MAP2: variants seen among roughly 807,000 people sequenced by gnomAD.
MAP2 encodes the protein microtubule-associated protein 2.
In MAP2, 14 loss-of-function variants were observed where a neutral mutation model predicts 137.6. That is an observed-to-expected ratio of 0.10 (90% CI 0.07 to 0.16). The LOEUF (loss-of-function observed/expected upper bound fraction) is 0.16. Ranked by LOEUF, MAP2 falls within the 10% of genes least tolerant of loss-of-function variation. MAP2 has a pLI of 1.00. For missense variants in MAP2, 2,088 were observed against 2,191.5 expected (o/e 0.95, Z 0.94); for synonymous variants, 786 against 782.3 (o/e 1.00, Z -0.08).
At position 209,461,520 on chromosome 2, in the gene MAP2, A is replaced by G. The variant is rs147218741; in HGVS notation, c.-222+37244A>G. 2.1e-3 allele frequency among the ~76,000 whole-genome samples: 321 copies of G among 152,244 alleles called. 1 individual carries two copies. Among genetic ancestry groups the G allele is most frequent in the African/African-American group, 7.4e-3 (308 of 41,546 alleles). On this transcript the variant is annotated intron_variant, in intron 1 of 15. Coordinates refer to ENST00000682079, the MANE Select transcript of MAP2 (RefSeq NM_001375505.1). ...GCCCAGACTGCAGTGCAATGGCACAATCTCGGCTCACTGCAACCTCTGTCT... is the reference window on the plus strand; with the variant it reads ...GCCCAGACTGCAGTGCAATGGCACAGTCTCGGCTCACTGCAACCTCTGTCT...
Position 209,694,105 on chromosome 2 carries a change from A to T in MAP2, c.1935A>T (p.Pro645=). Residue 645 remains proline (P), a synonymous_variant, in exon 8 of 16, where the codon CCA becomes CCT. Coordinates refer to ENST00000682079, the MANE Select transcript of MAP2 (RefSeq NM_001375505.1). ...ACAGCACTCTCGCACAGAGTTATCC[A>T]TCAGATTTACCTGAAGAACCCAGTT... ...AGYSTLAQSY[P]SDLPEEPSSP... is the part of the protein sequence containing the mutation. 1 of 1,613,932 alleles carries T rather than the reference A, an allele frequency of 6.2e-7. No individual in the cohort carries two copies. The highest frequency in any genetic ancestry group is 1.3e-5 in the African/African-American group (1 of 75,012).
At chr2:209,535,818 A>G (rs1420724701) in intron 2 of MAP2, among the ~76,000 whole-genome samples, 1 of 152,166 alleles carries the variant, frequency 6.6e-6, no homozygotes, top group Non-Finnish European at 1.5e-5. Context: ...CCAATATAAT[A>G]TAAAATTTTA....
chr2:209,680,246 G>A (rs1187397066), intron 6 of MAP2, among the ~76,000 whole-genome samples: 10 of 152,072 alleles, frequency 6.6e-5, no homozygotes. Flanking sequence ...TAGACTCAGT[G>A]AACAAAAGGT....
At position 209,429,383 on chromosome 2, in the gene MAP2, GTT is replaced by G. The variant is rs56297303; in HGVS notation, c.-222+5118_-222+5119del. Reference sequence around the variant, plus strand: ...GACACTATAAAACATGGTTCAACTAGTTTTTTTTTTTTAACAACTAGTAAAGT... The same window carrying G: ...GACACTATAAAACATGGTTCAACTAGTTTTTTTTTTAACAACTAGTAAAGT... On this transcript the variant is annotated intron_variant, in intron 1 of 15. Coordinates refer to ENST00000682079, the MANE Select transcript of MAP2 (RefSeq NM_001375505.1). Among the ~76,000 whole-genome samples the G allele has an allele frequency of 2.8e-3, 421 of 149,296 alleles. 7 individuals carry two copies. The highest frequency in any genetic ancestry group is 3.5e-3 in the Middle Eastern group (1 of 284).
chr2:209,637,619 A>G (rs1437965366), intron 4 of MAP2, among the ~76,000 whole-genome samples: 1 of 152,178 alleles, frequency 6.6e-6, no homozygotes, highest in Non-Finnish European at 1.5e-5. Context: ...TGCTGTTACC[A>G]GTAATACTTC....
intron 1 of MAP2, among the ~76,000 whole-genome samples, chr2:209,501,037 CAA>C (rs34783349): frequency 6.9e-5 from 8 of 115,342 alleles, no homozygotes; most frequent in Middle Eastern, 4.8e-3. Flanking sequence ...GACCCTGTCT[CAA>C]AAAAAAAAAA....
intron 1 of MAP2, among the ~76,000 whole-genome samples, chr2:209,487,905 CTTGG>C (rs2058587189): frequency 6.6e-6 from 1 of 152,136 alleles, no homozygotes; most frequent in Non-Finnish European, 1.5e-5. Context: ...ACAAAAGGAA[CTTGG>C]TTGGGAATAT....
chr2:209,550,898 T>G (rs1189281169), intron 2 of MAP2, among the ~76,000 whole-genome samples: 1 of 152,138 alleles, frequency 6.6e-6, no homozygotes, highest in African/African-American at 2.4e-5. Flanking sequence ...AAATCGTGTG[T>G]ATAACTTGCA....
chr2:209,434,835 A>C (rs10548229), intron 1 of MAP2, among the ~76,000 whole-genome samples: 80,548 of 108,404 alleles, frequency 0.74, 27,501 homozygotes, highest in East Asian at 0.91. Context: ...CTCTCTCTCT[A>C]TATATATATA....
chr2:209,660,691 G>A (rs190522605), intron 5 of MAP2, among the ~76,000 whole-genome samples: 1 of 141,910 alleles, frequency 7.0e-6, no homozygotes, highest in African/African-American at 2.6e-5. Context: ...CACCGTGCCC[G>A]GCCTGCTGCA....
At chr2:209,512,602 A>ACAC (rs1559259062) in intron 2 of MAP2, among the ~76,000 whole-genome samples, 7 of 114,896 alleles carry the variant, frequency 6.1e-5, no homozygotes, top group African/African-American at 3.4e-5. Context: ...CACACACACA[A>ACAC]ACACATATAT....
intron 1 of MAP2, among the ~76,000 whole-genome samples, chr2:209,437,301 C>T (rs1225134324): frequency 6.6e-6 from 1 of 151,524 alleles, no homozygotes; most frequent in African/African-American, 2.4e-5. Context: ...GATGCTAAGA[C>T]CCAGGTATTT....
At chr2:209,651,584 G>C (rs1317047671) in intron 4 of MAP2, among the ~76,000 whole-genome samples, 1 of 152,114 alleles carries the variant, frequency 6.6e-6, no homozygotes, top group East Asian at 1.9e-4. Flanking sequence ...AAACTCTCCT[G>C]TGCACACAAT....
chr2:209,706,479 A>G (rs2063458837), intron 12 of MAP2, among the ~76,000 whole-genome samples: 1 of 152,016 alleles, frequency 6.6e-6, no homozygotes, highest in African/African-American at 2.4e-5. Context: ...AATAATTAAT[A>G]AACTCAATTC....
intron 11 of MAP2, chr2:209,704,627 C>A: frequency 1.3e-6 from 2 of 1,581,714 alleles, no homozygotes; most frequent in South Asian, 1.2e-5. Context: ...CAAGGTAAGG[C>A]GGCAGGTCAA....
At chr2:209,544,820 G>A (rs2067722632) in intron 2 of MAP2, among the ~76,000 whole-genome samples, 1 of 152,140 alleles carries the variant, frequency 6.6e-6, no homozygotes, top group Non-Finnish European at 1.5e-5. Flanking sequence ...ATATTTTTAT[G>A]GAGGTTGGAA....
chr2:209,600,881 C>T (rs2082789974), intron 3 of MAP2, among the ~76,000 whole-genome samples: 1 of 152,172 alleles, frequency 6.6e-6, no homozygotes, highest in South Asian at 2.1e-4. Context: ...GACTATGTAG[C>T]CTTTCCTGTA....
intron 2 of MAP2, among the ~76,000 whole-genome samples, chr2:209,558,689 A>G (rs534453988): frequency 2.0e-5 from 3 of 149,218 alleles, no homozygotes; most frequent in Middle Eastern, 3.2e-3. Flanking sequence ...TCTTTTTCTA[A>G]TAATAATAAT....
At chr2:209,577,710 C>T (rs2075573417) in intron 2 of MAP2, among the ~76,000 whole-genome samples, 1 of 151,926 alleles carries the variant, frequency 6.6e-6, no homozygotes, top group South Asian at 2.1e-4. Flanking sequence ...CTTGGGAGAC[C>T]GACTCAATTT....
Sources: allele counts gnomAD v4.1 joint callset (sites outside exome capture counted in the v4.1 genomes callset), GRCh38; gene constraint gnomAD v4.1.1; transcripts MANE v1.5; gene names NCBI Gene and HGNC (gene_info 2026-07-23, HGNC 2026-07-21).